Variants in ADAM7 observed in about 807,000 individuals in gnomAD.
ADAM7 encodes disintegrin and metalloproteinase domain-containing protein 7.
In ADAM7, 97 loss-of-function variants were observed where a neutral mutation model predicts 102.9. That is an observed-to-expected ratio of 0.94 (90% CI 0.80 to 1.12). The LOEUF is 1.12. Ranked by LOEUF, ADAM7 falls within the 50% of genes most tolerant of loss-of-function variation. The probability of loss-of-function intolerance (pLI) is 0.00; values close to 1 mark genes in which losing one functional copy is unlikely to be tolerated. For synonymous variants in ADAM7, 334 were observed against 304.4 expected (o/e 1.10, Z -1.01); for missense variants, 991 against 908.7 (o/e 1.09, Z -1.16).
intron 20 of ADAM7, among the ~76,000 whole-genome samples, chr8:24,503,362 A>C (rs145564852): frequency 0.015 from 2,273 of 152,290 alleles, 60 homozygotes; most frequent in African/African-American, 0.052. Flanking sequence ...TGATCATTAA[A>C]AAGTCAGGTA....
rs774059964 is a variant in ADAM7, at chr8:24,482,362, GA to G, written c.875+55del. The G allele has an allele frequency of 6.6e-6, 10 of 1,516,518 alleles. No homozygotes were observed. In the African/African-American group the frequency reaches 1.4e-4, roughly 21 times the overall value. The allele number at this position is 1,516,518 out of a possible 1,614,324, so 93.9% of individuals were successfully genotyped here. On this transcript the variant is annotated intron_variant, in intron 9 of 21. Transcript: ENST00000175238. ...ATACCTTTGGTGGATTATTACAAAAGAAAACAAAAAAAAATTAACAGAAAAA... is the reference window on the plus strand; with the variant it reads ...ATACCTTTGGTGGATTATTACAAAAGAAACAAAAAAAAATTAACAGAAAAA...
chr8:24,489,167 C>A lies in ADAM7; in HGVS notation c.1100C>A (p.Ala367Glu), dbSNP rs1820250343. ...CVMDSDGSIP[A>E]LKFSKCSQNQ... The stretch of plus-strand genomic sequence containing the variant: ...CCTCATTCTATCTCTAGCATTCCTG[C>A]ACTGAAATTCAGTAAATGCAGCCAA... The change falls in exon 12 of 22, where the codon GCA becomes GAA. Residue 367 changes from alanine to glutamate, a missense_variant. Ala to Glu is a moderately radical substitution (Grantham distance 107). Coordinates refer to ENST00000175238, the MANE Select transcript of ADAM7 (RefSeq NM_003817.4). 6.2e-7 allele frequency: 1 copy of A among 1,610,142 alleles called. No homozygotes were observed. The highest frequency in any genetic ancestry group is 1.1e-5 in the South Asian group (1 of 90,346).
At chr8:24,456,182 G>A (rs1052074116) in intron 3 of ADAM7, among the ~76,000 whole-genome samples, 5 of 151,996 alleles carry the variant, frequency 3.3e-5, no homozygotes, top group Non-Finnish European at 5.9e-5. Context: ...GCTTCTATGA[G>A]TTCAATTTTT....
In ADAM7 at chr8:24,485,306, G is replaced by C; in HGVS notation, c.905G>C (p.Gly302Ala). Residue 302 changes from glycine (G) to alanine (A), a missense_variant, in exon 10 of 22, where the codon GGA (glycine) becomes GCA (alanine). By Grantham distance (60) the Gly-to-Ala change is moderately conservative. Transcript: ENST00000175238. The part of the protein sequence containing the change: ...SGKWLYSHVQ[G>A]ISYPGGMCLP... ...AAGTGGCTCTACTCACATGTGCAAG[G>C]AATTTCTTATCCAGGGGGTATGTGC... 1.9e-6 allele frequency: 3 copies of C among 1,613,468 alleles called. No homozygotes were observed. The highest frequency in any genetic ancestry group is 2.5e-6 in the Non-Finnish European group (3 of 1,179,656).
chr8:24,486,074 G>A (rs1820134610), intron 10 of ADAM7, among the ~76,000 whole-genome samples: 1 of 152,042 alleles, frequency 6.6e-6, no homozygotes, highest in South Asian at 2.1e-4. Context: ...ATAAGTTTTG[G>A]ATCATAGAGT....
At chr8:24,482,759 TAAATAG>T (rs547611367) in intron 9 of ADAM7, among the ~76,000 whole-genome samples, 96 of 152,088 alleles carry the variant, frequency 6.3e-4, no homozygotes, top group African/African-American at 2.0e-3. Context: ...AATAAATAAA[TAAATAG>T]AAAGTTTTCA....
intron 11 of ADAM7, among the ~76,000 whole-genome samples, chr8:24,488,124 C>A (rs1210347782): frequency 6.6e-6 from 1 of 152,154 alleles, no homozygotes; most frequent in Non-Finnish European, 1.5e-5. Flanking sequence ...CTGTTTCATG[C>A]ATTCAGCTTA....
intron 1 of ADAM7, among the ~76,000 whole-genome samples, 174 bp downstream of exon 1, chr8:24,441,334 C>A (rs919166675): frequency 6.6e-6 from 1 of 152,200 alleles, no homozygotes; most frequent in African/African-American, 2.4e-5. Context: ...AATGCCATAT[C>A]ACTCTTGAAC....
chr8:24,497,586 A>C (rs1417490277), intron 16 of ADAM7, among the ~76,000 whole-genome samples: 2 of 152,196 alleles, frequency 1.3e-5, no homozygotes, highest in African/African-American at 4.8e-5. Flanking sequence ...CAGGAAATAG[A>C]GTTCTAAAAA....
At position 24,492,004 on chromosome 8, in the gene ADAM7, G is replaced by T; in HGVS notation, c.1458G>T (p.Arg486Ser). 1 of 1,613,902 alleles carries T rather than the reference G, an allele frequency of 6.2e-7. No homozygotes were observed. Among genetic ancestry groups the T allele is most frequent in the South Asian group, 1.1e-5 (1 of 91,072 alleles). ...HSPACPKDQF[R>S]VNGFPCKNSE... ...CTGCCTGTCCTAAGGACCAGTTCAG[G>T]GTCAATGGATTTCCTTGCAAGAACT... Residue 486 changes from arginine (R) to serine (S), a missense_variant, in exon 14 of 22, where the codon AGG becomes AGT. By Grantham distance (110) the Arg-to-Ser change is moderately radical. Transcript: ENST00000175238.
At chr8:24,492,697 G>A in intron 15 of ADAM7, 100 bp downstream of exon 15, 1 of 779,346 alleles carries the variant, frequency 1.3e-6, no homozygotes, top group Non-Finnish European at 2.0e-6. Flanking sequence ...TTTTTACTGA[G>A]ACCGGGAGAA....
intron 15 of ADAM7, 125 bp downstream of exon 15, chr8:24,492,722 G>A: frequency 1.5e-6 from 1 of 649,360 alleles, no homozygotes; most frequent in Non-Finnish European, 2.6e-6. Context: ...GAAATAAGAA[G>A]GAAATCTTGG....
chr8:24,450,510 G>A (rs1174460839), intron 3 of ADAM7, among the ~76,000 whole-genome samples: 1 of 151,984 alleles, frequency 6.6e-6, no homozygotes, highest in Non-Finnish European at 1.5e-5. Context: ...TGTATCCTGA[G>A]ACTTTGCTGA....
Position 24,487,219 on chromosome 8 carries a change from C to T in ADAM7, c.993C>T (p.Asn331=), listed in dbSNP as rs1206822704. 4 of 1,613,682 alleles carry T rather than the reference C, an allele frequency of 2.5e-6. No individual in the cohort carries two copies. The highest frequency in any genetic ancestry group is 2.2e-5 in the East Asian group (1 of 44,852). The change falls in exon 11 of 22, where the codon AAC becomes AAT. Residue 331 remains asparagine, a synonymous_variant. Transcript: ENST00000175238. ...DLLPDTNIIA[N]RMAHQLGHNL... is the part of the protein sequence containing the mutation. Reference sequence around the variant, plus strand: ...TACCTGACACAAACATAATTGCAAACAGAATGGCACATCAACTGGGGCATA... The same window carrying T: ...TACCTGACACAAACATAATTGCAAATAGAATGGCACATCAACTGGGGCATA...
At position 24,493,215 on chromosome 8, in the gene ADAM7, T is replaced by C. The variant is rs1820429314; in HGVS notation, c.1828T>C (p.Cys610Arg). ...DIGLVASGTK[C>R]GEGMVCNNGE... The stretch of plus-strand genomic sequence containing the variant: ...TGGCCTGGTGGCGTCAGGAACAAAA[T>C]GTGGAGAGGGAATGGTAAGACAAAA... Residue 610 changes from cysteine (C) to arginine (R), a missense_variant, in exon 16 of 22, where the codon TGT becomes CGT. By Grantham distance (180) the Cys-to-Arg change is radical. Coordinates refer to ENST00000175238, the MANE Select transcript of ADAM7 (RefSeq NM_003817.4). 3.7e-6 allele frequency: 6 copies of C among 1,602,496 alleles called. No homozygotes were observed. The highest frequency in any genetic ancestry group is 4.3e-6 in the Non-Finnish European group (5 of 1,175,862).
chr8:24,494,506 G>A (rs1012560183), intron 16 of ADAM7, among the ~76,000 whole-genome samples: 6 of 152,122 alleles, frequency 3.9e-5, no homozygotes, highest in African/African-American at 1.4e-4. Flanking sequence ...GAAAGGGGCT[G>A]TTAGAAAGGC....
At chr8:24,499,856 A>G (rs73548717) in intron 17 of ADAM7, among the ~76,000 whole-genome samples, 5,422 of 151,694 alleles carry the variant, frequency 0.036, 335 homozygotes, top group African/African-American at 0.12. Context: ...ACACACACAT[A>G]CATATCAGGT....
At chr8:24,489,668 T>C (rs1484887702) in intron 12 of ADAM7, among the ~76,000 whole-genome samples, 3 of 152,110 alleles carry the variant, frequency 2.0e-5, no homozygotes, top group Non-Finnish European at 2.9e-5. Flanking sequence ...CTCTACAAAA[T>C]CTCTTACTCA....
chr8:24,448,732 A>G (rs1418363416), intron 3 of ADAM7, among the ~76,000 whole-genome samples: 1 of 151,790 alleles, frequency 6.6e-6, no homozygotes, highest in Non-Finnish European at 1.5e-5. Flanking sequence ...GTTAGTTTAC[A>G]TGGGCCATGG....
Sources: allele counts gnomAD v4.1 joint callset (sites outside exome capture counted in the v4.1 genomes callset), GRCh38; gene constraint gnomAD v4.1.1; transcripts MANE v1.5; gene names NCBI Gene and HGNC (gene_info 2026-07-23, HGNC 2026-07-21).